PCDH15: variants seen among roughly 807,000 people sequenced by gnomAD.
PCDH15 encodes protocadherin related 15.
Under a neutral mutation model 178.5 loss-of-function variants are expected in PCDH15, and 129 were observed. The ratio of observed to expected loss-of-function variants is 0.72; its 90% CI spans 0.63 to 0.84. The LOEUF is 0.84. Among genes scored for constraint, PCDH15 ranks in the 40% least tolerant of loss-of-function variants. The pLI is 0.00. For missense variants in PCDH15, 2,230 were observed against 2,099.9 expected, an observed-to-expected ratio of 1.06 and a Z score of -1.21; for synonymous variants, 800 against 732.0, an observed-to-expected ratio of 1.09 and a Z score of -1.50.
At chr10:54,551,111 C>G (rs1193801365) in intron 2 of PCDH15, among the ~76,000 whole-genome samples, 1 of 116,960 alleles carries the variant, frequency 8.5e-6, no homozygotes, top group Admixed American at 1.2e-4. Flanking sequence ...GCTGAGATCA[C>G]AACACTGCAC....
At chr10:55,351,567 T>C (rs1196432491) in intron 2 of PCDH15, among the ~76,000 whole-genome samples, 1 of 152,144 alleles carries the variant, frequency 6.6e-6, no homozygotes, top group Admixed American at 6.5e-5. Flanking sequence ...TATAATCCCC[T>C]TTTTGTTTCA....
chr10:53,891,442 G>C (rs575502765), intron 26 of PCDH15, among the ~76,000 whole-genome samples: 62 of 152,200 alleles, frequency 4.1e-4, no homozygotes, highest in Non-Finnish European at 7.4e-4. Flanking sequence ...CTATACCTTG[G>C]ATTGTTACAC....
intron 6 of PCDH15, among the ~76,000 whole-genome samples, chr10:54,331,298 G>A (rs951775500): frequency 6.6e-5 from 10 of 151,346 alleles, no homozygotes; most frequent in African/African-American, 1.7e-4. Context: ...TCTTTCTCTC[G>A]GGGATGCATA....
chr10:54,650,638 G>T (rs1340327169), intron 2 of PCDH15, among the ~76,000 whole-genome samples: 2 of 152,146 alleles, frequency 1.3e-5, no homozygotes, highest in Non-Finnish European at 2.9e-5. Context: ...GAGGAAAGAA[G>T]TTTAATGGAC....
intron 2 of PCDH15, among the ~76,000 whole-genome samples, chr10:54,934,067 G>T (rs543381602): frequency 6.6e-6 from 1 of 152,060 alleles, no homozygotes; most frequent in African/African-American, 2.4e-5. Flanking sequence ...CTAAAATAAC[G>T]TCATGTATAT....
chr10:54,469,400 C>T (rs1002046409), intron 3 of PCDH15, among the ~76,000 whole-genome samples: 1 of 152,158 alleles, frequency 6.6e-6, no homozygotes, highest in Non-Finnish European at 1.5e-5. Flanking sequence ...CTGCCCCCAT[C>T]CCTGCCTTTT....
chr10:54,675,743 G>C (rs2094775529), intron 1 of PCDH15, among the ~76,000 whole-genome samples: 1 of 151,964 alleles, frequency 6.6e-6, no homozygotes, highest in Admixed American at 6.6e-5. Flanking sequence ...GGGTACTTTG[G>C]CAATATTTGT....
chr10:54,984,933 T>C (rs1267735631), intron 2 of PCDH15, among the ~76,000 whole-genome samples: 1 of 152,194 alleles, frequency 6.6e-6, no homozygotes, highest in Non-Finnish European at 1.5e-5. Context: ...AAACTTTGAT[T>C]AAGTAATTTT....
At chr10:53,897,470 G>A (rs936741804) in intron 26 of PCDH15, among the ~76,000 whole-genome samples, 2 of 152,098 alleles carry the variant, frequency 1.3e-5, no homozygotes, top group African/African-American at 4.8e-5. Context: ...TAAAAAAGGT[G>A]TTCACATTCT....
At chr10:54,035,503 T>A (rs1345578230) in intron 18 of PCDH15, among the ~76,000 whole-genome samples, 1 of 151,870 alleles carries the variant, frequency 6.6e-6, no homozygotes, top group Admixed American at 6.6e-5. Context: ...ACACACCATA[T>A]GAGAGCAAAT....
chr10:54,708,615 T>G (rs2095392492), intron 1 of PCDH15, among the ~76,000 whole-genome samples: 1 of 152,208 alleles, frequency 6.6e-6, no homozygotes, highest in African/African-American at 2.4e-5. Context: ...TCTCTCTTTA[T>G]AGTCAGGATT....
upstream of PCDH15, among the ~76,000 whole-genome samples, chr10:55,322,763 T>C (rs912621372): frequency 6.1e-5 from 9 of 148,474 alleles, no homozygotes; most frequent in African/African-American, 1.5e-4. Flanking sequence ...GCATAAAGAA[T>C]TGGAAAATTT....
intron 3 of PCDH15, among the ~76,000 whole-genome samples, chr10:54,492,537 A>G (rs541199932): frequency 6.6e-6 from 1 of 152,162 alleles, no homozygotes; most frequent in Non-Finnish European, 1.5e-5. Context: ...TCAGTTGCCT[A>G]CACTCAACTG....
At chr10:55,055,066 G>A (rs184832064) in intron 2 of PCDH15, among the ~76,000 whole-genome samples, 4 of 152,178 alleles carry the variant, frequency 2.6e-5, no homozygotes, top group Admixed American at 6.5e-5. Flanking sequence ...TTGCTTTGAC[G>A]TCTTCATCAT....
At chr10:53,831,078 T>C (rs540404767) in intron 30 of PCDH15, 2 of 734,246 alleles carry the variant, frequency 2.7e-6, no homozygotes, top group South Asian at 1.4e-5. Context: ...GATATTTCTA[T>C]TGAAAGAGAC....
chr10:55,136,619 C>T (rs1245928826), intron 2 of PCDH15, among the ~76,000 whole-genome samples: 2 of 151,894 alleles, frequency 1.3e-5, no homozygotes, highest in Admixed American at 6.6e-5. Flanking sequence ...TAAATAAGTT[C>T]CTAGGAAGCA....
intron 2 of PCDH15, among the ~76,000 whole-genome samples, chr10:55,027,979 T>C (rs2131962973): frequency 6.6e-6 from 1 of 151,522 alleles, no homozygotes; most frequent in Non-Finnish European, 1.5e-5. Context: ...TAAGTATTAA[T>C]CTTACATGCA....
chr10:53,830,971 CA>C (rs2076981249), intron 30 of PCDH15, among the ~76,000 whole-genome samples: 1 of 152,140 alleles, frequency 6.6e-6, no homozygotes, highest in Non-Finnish European at 1.5e-5. Flanking sequence ...CCGCATATGA[CA>C]TTCCATTGCT....
chr10:55,249,484 T>C (rs1347703562), intron 1 of PCDH15, among the ~76,000 whole-genome samples: 1 of 152,096 alleles, frequency 6.6e-6, no homozygotes, highest in Non-Finnish European at 1.5e-5. Flanking sequence ...ACATTTACAA[T>C]ACATGTAGCC....
Sources: allele counts gnomAD v4.1 joint callset (sites outside exome capture counted in the v4.1 genomes callset), GRCh38; gene constraint gnomAD v4.1.1; transcripts MANE v1.5; gene names NCBI Gene and HGNC (gene_info 2026-07-23, HGNC 2026-07-21).